PDE2A: variants seen among roughly 807,000 people sequenced by gnomAD.
The protein encoded by PDE2A is cGMP-dependent 3',5'-cyclic phosphodiesterase.
PDE2A carries 53 observed loss-of-function variants against 133.6 expected under a neutral mutation model. That is an observed-to-expected ratio of 0.40 (90% CI 0.32 to 0.50). The LOEUF (loss-of-function observed/expected upper bound fraction) is 0.50, where lower values mean the gene tolerates loss of function less well. Ranked by LOEUF, PDE2A falls within the 20% of genes least tolerant of loss-of-function variation. PDE2A has a pLI of 0.73. For missense variants in PDE2A, 796 were observed against 1,232.4 expected (o/e 0.65, Z 5.30); for synonymous variants, 491 against 490.2 (o/e 1.00, Z -0.02).
At chr11:72,622,334 C>A (rs1349752200) in intron 2 of PDE2A, among the ~76,000 whole-genome samples, 1 of 152,178 alleles carries the variant, frequency 6.6e-6, no homozygotes, top group Non-Finnish European at 1.5e-5. Context: ...ACTGTGTGAT[C>A]CAGCAAGCGT....
At chr11:72,624,035 A>G (rs1857923345) in intron 2 of PDE2A, among the ~76,000 whole-genome samples, 1 of 146,826 alleles carries the variant, frequency 6.8e-6, no homozygotes, top group Non-Finnish European at 1.5e-5. Context: ...CTCGTCACCC[A>G]GGCTGGAGTG....
intron 4 of PDE2A, chr11:72,598,557 C>T: frequency 7.8e-7 from 1 of 1,289,140 alleles, no homozygotes; most frequent in Non-Finnish European, 1.0e-6. Context: ...GTCCTGGGTT[C>T]TTCATCCCTC....
intron 14 of PDE2A, 34 bp from the exon 15 acceptor site, chr11:72,585,627 C>T (rs1202932509): frequency 1.9e-6 from 3 of 1,607,128 alleles, no homozygotes; most frequent in East Asian, 2.2e-5. Context: ...ATAGGGGGGT[C>T]GGGGTGTAGG....
At chr11:72,673,879 C>T (rs1271456261) in intron 1 of PDE2A, among the ~76,000 whole-genome samples, 3 of 152,156 alleles carry the variant, frequency 2.0e-5, no homozygotes, top group African/African-American at 7.2e-5. Flanking sequence ...CCTCCTCCAA[C>T]CAGCAGCCCC....
Position 72,661,584 on chromosome 11 carries a change from C to T in PDE2A, c.71+12553G>A, listed in dbSNP as rs554067574. ...CTGGGGAGTATGGAAAGGCCCCTAT[C>T]AAGGAGGCAGAAGTCTTCCTAGAAG... On this transcript the variant is annotated intron_variant, in intron 1 of 30. Coordinates refer to ENST00000334456, the MANE Select transcript of PDE2A (RefSeq NM_002599.5). Among the ~76,000 whole-genome samples the T allele has an allele frequency of 4.6e-5, 7 of 152,340 alleles. No homozygotes were observed. The South Asian group carries it at 1.5e-3, about 32-fold the overall frequency.
chr11:72,640,701 C>A (rs75337673), intron 2 of PDE2A, among the ~76,000 whole-genome samples: 21,103 of 152,164 alleles, frequency 0.14, 1,528 homozygotes, highest in Middle Eastern at 0.17. Flanking sequence ...CCATCAGGCC[C>A]CTGCAGTGGC....
chr11:72,620,662 C>CCCGA (rs1348148060), intron 2 of PDE2A, among the ~76,000 whole-genome samples: 1 of 152,186 alleles, frequency 6.6e-6, no homozygotes, highest in African/African-American at 2.4e-5. Context: ...CCCCCACCCT[C>CCCGA]CCGACCGGGA....
chr11:72,617,085 G>A (rs1857511299), intron 2 of PDE2A, among the ~76,000 whole-genome samples: 1 of 152,230 alleles, frequency 6.6e-6, no homozygotes, highest in Non-Finnish European at 1.5e-5. Flanking sequence ...CCAGAGTCCT[G>A]CTTGTCTTTG....
intron 2 of PDE2A, among the ~76,000 whole-genome samples, chr11:72,626,721 C>T (rs1858095931): frequency 6.6e-6 from 1 of 152,236 alleles, no homozygotes; most frequent in African/African-American, 2.4e-5. Context: ...CCCCTCCAAC[C>T]TGGCTCCCGC....
intron 1 of PDE2A, among the ~76,000 whole-genome samples, chr11:72,662,871 C>G (rs753845444): frequency 6.6e-6 from 1 of 152,190 alleles, no homozygotes; most frequent in Non-Finnish European, 1.5e-5. Context: ...TTAAACTTTC[C>G]TCTGCTTCCC....
At chr11:72,659,470 GGA>G in intron 1 of PDE2A, 1 of 151,826 alleles carries the variant, frequency 6.6e-6, no homozygotes, top group South Asian at 2.1e-4. Flanking sequence ...CTCCCCCACA[GGA>G]GAGAGTGAGG....
In PDE2A at chr11:72,642,285, G is replaced by T. The variant is rs1400999468; in HGVS notation, c.113C>A (p.Pro38Gln). 2.6e-6 allele frequency: 4 copies of T among 1,521,896 alleles called. No individual in the cohort carries two copies. Among genetic ancestry groups the T allele is most frequent in the Non-Finnish European group, 1.8e-6 (2 of 1,137,604 alleles). The allele number at this position is 1,521,896 out of a possible 1,614,324, so 94.3% of individuals were successfully genotyped here. Residue 38 changes from proline (P) to glutamine (Q), a missense_variant, in exon 2 of 31, where the codon CCG (proline) becomes CAG (glutamine). Pro to Gln is a moderately conservative substitution (Grantham distance 76). Transcript: ENST00000334456. ...QVFLKPDEPP[P>Q]PPQPCADSLQ... ...GCTGTCGGCGCATGGCTGCGGCGGC[G>T]GCGGCGGCTCGTCCGGCTTGAGGAA... is the stretch of plus-strand genomic sequence containing the variant.
chr11:72,627,502 G>A (rs1858141953), intron 2 of PDE2A, among the ~76,000 whole-genome samples: 1 of 152,248 alleles, frequency 6.6e-6, no homozygotes, highest in South Asian at 2.1e-4. Context: ...GGTGGTCAGT[G>A]TGAGCAAAGG....
At chr11:72,612,418 C>T (rs1391808630) in intron 2 of PDE2A, among the ~76,000 whole-genome samples, 2 of 152,002 alleles carry the variant, frequency 1.3e-5, no homozygotes, top group Admixed American at 6.6e-5. Context: ...AAAAACCAGG[C>T]AATTTCCCAG....
At chr11:72,665,602 G>A (rs954900562) in intron 1 of PDE2A, among the ~76,000 whole-genome samples, 1 of 152,134 alleles carries the variant, frequency 6.6e-6, no homozygotes, top group South Asian at 2.1e-4. Flanking sequence ...GCCCCCCATG[G>A]CAGCTACAGC....
intron 1 of PDE2A, among the ~76,000 whole-genome samples, chr11:72,668,764 A>T (rs559662576): frequency 1.3e-5 from 2 of 152,232 alleles, no homozygotes; most frequent in African/African-American, 2.4e-5. Flanking sequence ...TTATCTGGGG[A>T]TTGGTCTCAG....
intron 2 of PDE2A, among the ~76,000 whole-genome samples, chr11:72,630,186 A>G (rs1217928409): frequency 2.0e-5 from 3 of 152,136 alleles, no homozygotes; most frequent in African/African-American, 4.8e-5. Flanking sequence ...TGAGCCCTGC[A>G]CCGGTACCCA....
intron 1 of PDE2A, chr11:72,668,871 G>T: frequency 1.0e-6 from 1 of 994,240 alleles, no homozygotes; most frequent in Non-Finnish European, 1.2e-6. Flanking sequence ...CACAACCACA[G>T]CTCTGTTTCA....
chr11:72,625,189 C>T (rs1306339385), intron 2 of PDE2A, among the ~76,000 whole-genome samples: 1 of 152,216 alleles, frequency 6.6e-6, no homozygotes, highest in Non-Finnish European at 1.5e-5. Flanking sequence ...CTCTGCCTCC[C>T]CACTCCAACA....
Sources: allele counts gnomAD v4.1 joint callset (sites outside exome capture counted in the v4.1 genomes callset), GRCh38; gene constraint gnomAD v4.1.1; transcripts MANE v1.5; gene names NCBI Gene and HGNC (gene_info 2026-07-23, HGNC 2026-07-21).